SLC14A2: variants seen among roughly 807,000 people sequenced by gnomAD.
The protein encoded by SLC14A2 is urea transporter 2.
A neutral mutation model predicts 104.6 loss-of-function variants in SLC14A2; 91 were observed. That is an observed-to-expected ratio of 0.87 (90% CI 0.73 to 1.04). The LOEUF (loss-of-function observed/expected upper bound fraction) is 1.04. Among genes scored for constraint, SLC14A2 ranks in the 50% least tolerant of loss-of-function variants. The probability of loss-of-function intolerance (pLI) is 0.00; values close to 1 mark genes in which losing one functional copy is unlikely to be tolerated. For missense variants in SLC14A2, 1,189 were observed against 1,156.0 expected (o/e 1.03, Z -0.41); for synonymous variants, 476 against 466.4 (o/e 1.02, Z -0.27).
At chr18:45,235,839 A>ACACG (rs1165824333) in intron 1 of SLC14A2, among the ~76,000 whole-genome samples, 18 of 88,150 alleles carry the variant, frequency 2.0e-4, no homozygotes, top group African/African-American at 6.7e-4. Flanking sequence ...ATACGTGTAT[A>ACACG]TATATATGTA....
At chr18:45,221,460 G>A (rs2084061478) in intron 1 of SLC14A2, among the ~76,000 whole-genome samples, 1 of 152,184 alleles carries the variant, frequency 6.6e-6, no homozygotes, top group Admixed American at 6.5e-5. Flanking sequence ...ACTTTGATTG[G>A]TCCAGAATCA....
chr18:45,364,986 G>T (rs181786969), intron 1 of SLC14A2, among the ~76,000 whole-genome samples: 126 of 152,246 alleles, frequency 8.3e-4, no homozygotes, highest in Non-Finnish European at 1.0e-3. Context: ...AGATTTTGGG[G>T]GGTCATAGAA....
intron 1 of SLC14A2, among the ~76,000 whole-genome samples, chr18:45,316,095 A>G (rs1225856247): frequency 6.6e-6 from 1 of 152,146 alleles, no homozygotes; most frequent in Non-Finnish European, 1.5e-5. Flanking sequence ...ACCCTATGCC[A>G]TTTGTGCCTC....
intron 1 of SLC14A2, among the ~76,000 whole-genome samples, chr18:45,292,720 A>G (rs1473308487): frequency 6.6e-6 from 1 of 152,214 alleles, no homozygotes; most frequent in African/African-American, 2.4e-5. Context: ...GACCGGCTAC[A>G]TTGGCGTATA....
At chr18:45,218,335 T>C (rs2084029089) in intron 1 of SLC14A2, among the ~76,000 whole-genome samples, 1 of 152,240 alleles carries the variant, frequency 6.6e-6, no homozygotes, top group East Asian at 1.9e-4. Flanking sequence ...GTAGCATATA[T>C]CAGAATTTAC....
chr18:45,316,983 G>T (rs2085135815), intron 1 of SLC14A2, among the ~76,000 whole-genome samples: 1 of 152,190 alleles, frequency 6.6e-6, no homozygotes, highest in South Asian at 2.1e-4. Context: ...CCTATGAACT[G>T]GGCATTCTTC....
intron 2 of SLC14A2, among the ~76,000 whole-genome samples, chr18:45,589,149 G>A (rs1038608556): frequency 5.9e-5 from 9 of 152,108 alleles, no homozygotes; most frequent in African/African-American, 1.4e-4. Flanking sequence ...CGGCGGCCTC[G>A]GCCAGGACTG....
chr18:45,526,188 C>A (rs375496068), intron 2 of SLC14A2, among the ~76,000 whole-genome samples: 3 of 152,192 alleles, frequency 2.0e-5, no homozygotes, highest in Non-Finnish European at 4.4e-5. Context: ...GCTTGCACAA[C>A]CATTCTCTTC....
At chr18:45,559,413 C>T (rs9955926) in intron 2 of SLC14A2, among the ~76,000 whole-genome samples, 17 of 152,178 alleles carry the variant, frequency 1.1e-4, no homozygotes, top group South Asian at 6.2e-4. Context: ...CAAGATGGCA[C>T]GTTAAAATGG....
At chr18:45,336,019 G>A (rs1292484882) in intron 1 of SLC14A2, among the ~76,000 whole-genome samples, 2 of 152,198 alleles carry the variant, frequency 1.3e-5, no homozygotes, top group Admixed American at 6.5e-5. Flanking sequence ...TGGAATGAGA[G>A]AGGCTGTAAC....
At chr18:45,588,647 C>T (rs577807698) in intron 2 of SLC14A2, among the ~76,000 whole-genome samples, 2 of 152,172 alleles carry the variant, frequency 1.3e-5, no homozygotes, top group African/African-American at 2.4e-5. Flanking sequence ...GGGATACCCA[C>T]GGTCCTCACG....
intron 1 of SLC14A2, among the ~76,000 whole-genome samples, chr18:45,403,555 A>G (rs1207372565): frequency 6.6e-6 from 1 of 152,012 alleles, no homozygotes. Context: ...ACTCCTCCTC[A>G]TGTGAGCTGG....
At chr18:45,263,868 C>T (rs1449112700) in intron 1 of SLC14A2, among the ~76,000 whole-genome samples, 1 of 152,164 alleles carries the variant, frequency 6.6e-6, no homozygotes, top group African/African-American at 2.4e-5. Context: ...GTGGAATCAA[C>T]CAGGTCTCCA....
chr18:45,654,906 G>A (rs532623855), intron 10 of SLC14A2, among the ~76,000 whole-genome samples: 23 of 152,192 alleles, frequency 1.5e-4, no homozygotes, highest in Admixed American at 2.0e-4. Context: ...TTGGTTTCCA[G>A]GGCAGCACTG....
intron 2 of SLC14A2, among the ~76,000 whole-genome samples, chr18:45,584,771 G>C (rs958711233): frequency 3.3e-5 from 5 of 152,162 alleles, no homozygotes; most frequent in African/African-American, 1.2e-4. Context: ...TTTGGCCTAT[G>C]CTTCTATAAT....
intron 1 of SLC14A2, among the ~76,000 whole-genome samples, chr18:45,262,265 T>C (rs2084547117): frequency 6.6e-6 from 1 of 152,184 alleles, no homozygotes; most frequent in Non-Finnish European, 1.5e-5. Context: ...AATTCTACCC[T>C]CATTTTATAG....
intron 2 of SLC14A2, among the ~76,000 whole-genome samples, chr18:45,538,120 G>T (rs1186577875): frequency 2.0e-5 from 3 of 152,192 alleles, no homozygotes; most frequent in African/African-American, 7.2e-5. Context: ...CTTCCATGCA[G>T]GTGGGACTTG....
chr18:45,645,057 C>T (rs1345768504), intron 10 of SLC14A2, among the ~76,000 whole-genome samples: 1 of 152,152 alleles, frequency 6.6e-6, no homozygotes, highest in Non-Finnish European at 1.5e-5. Flanking sequence ...TGATGTTCCC[C>T]TCCCTGTGTC....
At chr18:45,331,598 G>A (rs1311719140) in intron 1 of SLC14A2, among the ~76,000 whole-genome samples, 2 of 151,950 alleles carry the variant, frequency 1.3e-5, no homozygotes, top group African/African-American at 4.8e-5. Context: ...GGCTGAGGCA[G>A]GAGAATGGCA....
Sources: gnomAD v4.1 joint callset for allele counts (sites outside exome capture counted in the v4.1 genomes callset) on GRCh38, gnomAD v4.1.1 for gene constraint, MANE v1.5 for transcripts, NCBI Gene and HGNC (gene_info 2026-07-23, HGNC 2026-07-21) for gene names.